LRMDA: variants seen among roughly 807,000 people sequenced by gnomAD.
LRMDA encodes the protein leucine rich melanocyte differentiation associated.
LRMDA carries 18 observed loss-of-function variants against 29.8 expected under a neutral mutation model. That is an observed-to-expected ratio of 0.60 (90% CI 0.42 to 0.90). The LOEUF is 0.90. LRMDA is among the 40% of genes least tolerant of loss of function. The probability of loss-of-function intolerance (pLI) is 0.00; values close to 1 mark genes in which losing one functional copy is unlikely to be tolerated. For missense variants in LRMDA, 273 were observed against 273.9 expected (o/e 1.00, Z 0.02); for synonymous variants, 125 against 109.4 (o/e 1.14, Z -0.89).
intron 2 of LRMDA, among the ~76,000 whole-genome samples, chr10:75,959,028 A>G (rs111764112): frequency 0.068 from 10,275 of 152,204 alleles, 957 homozygotes; most frequent in African/African-American, 0.21. Context: ...CCCACAACAC[A>G]TGGTAATTAT....
chr10:76,014,851 C>T (rs933318959), intron 2 of LRMDA, among the ~76,000 whole-genome samples: 1 of 152,146 alleles, frequency 6.6e-6, no homozygotes, highest in Non-Finnish European at 1.5e-5. Context: ...TCATGGGAGG[C>T]GTGACCTAGA....
chr10:75,691,981 C>T (rs1005531774), intron 2 of LRMDA, among the ~76,000 whole-genome samples: 3 of 151,788 alleles, frequency 2.0e-5, no homozygotes, highest in Non-Finnish European at 4.4e-5. Flanking sequence ...GGCAGGAAGA[C>T]CATTTGAGGC....
intron 6 of LRMDA, among the ~76,000 whole-genome samples, chr10:76,397,454 T>C (rs1564530133): frequency 1.3e-5 from 2 of 152,218 alleles, no homozygotes; most frequent in African/African-American, 4.8e-5. Flanking sequence ...TTCCTAACTT[T>C]GTGGGGGAAA....
intron 6 of LRMDA, among the ~76,000 whole-genome samples, chr10:76,517,091 G>A (rs901456511): frequency 6.6e-6 from 1 of 152,110 alleles, no homozygotes; most frequent in Non-Finnish European, 1.5e-5. Context: ...AAGTCTAAGA[G>A]GTTAGATGAT....
intron 6 of LRMDA, among the ~76,000 whole-genome samples, chr10:76,373,566 C>G (rs1334344984): frequency 6.6e-6 from 1 of 152,052 alleles, no homozygotes; most frequent in Non-Finnish European, 1.5e-5. Flanking sequence ...TTGTTATCTC[C>G]TGTGTTTTTT....
At chr10:76,028,858 C>T (rs1848105026) in intron 2 of LRMDA, among the ~76,000 whole-genome samples, 1 of 149,384 alleles carries the variant, frequency 6.7e-6, no homozygotes, top group South Asian at 2.1e-4. Context: ...CACTCTGTCG[C>T]CAGGCTGAAG....
chr10:76,000,636 G>C (rs553845716), intron 2 of LRMDA, among the ~76,000 whole-genome samples: 6 of 152,318 alleles, frequency 3.9e-5, no homozygotes, highest in Non-Finnish European at 8.8e-5. Flanking sequence ...GTGGGCTGCA[G>C]GTGAGGCTTA....
At chr10:75,461,712 A>T (rs1476060369) in intron 2 of LRMDA, among the ~76,000 whole-genome samples, 3 of 152,306 alleles carry the variant, frequency 2.0e-5, no homozygotes, top group Non-Finnish European at 2.9e-5. Flanking sequence ...GTATGCTTAC[A>T]CTGGTCCAAA....
chr10:76,476,718 C>T (rs879391541), intron 6 of LRMDA, among the ~76,000 whole-genome samples: 11 of 152,154 alleles, frequency 7.2e-5, no homozygotes, highest in Non-Finnish European at 1.5e-4. Context: ...AAGTGGGCTT[C>T]ATTCCTGGGA....
At chr10:76,418,531 A>G (rs1842042109) in intron 6 of LRMDA, among the ~76,000 whole-genome samples, 1 of 151,974 alleles carries the variant, frequency 6.6e-6, no homozygotes, top group African/African-American at 2.4e-5. Context: ...TATTTATTCT[A>G]AGAGTTTCTA....
chr10:76,555,928 G>A lies in LRMDA; in HGVS notation c.602-1281G>A, dbSNP rs1843551529. ...CCTTTCTTTGTTTTTTTCTAGTTGT[G>A]TACAGTTCAGAGACTCAAGTCCGAT... On this transcript the variant is annotated intron_variant, in intron 6 of 6. Coordinates refer to ENST00000611255, the MANE Select transcript of LRMDA (RefSeq NM_001305581.2). 3.3e-5 allele frequency among the ~76,000 whole-genome samples: 5 copies of A among 151,932 alleles called. 1 individual carries two copies. In the South Asian group the frequency reaches 1.0e-3, roughly 31 times the overall value.
chr10:76,367,414 ATT>A (rs1300730569), intron 6 of LRMDA, among the ~76,000 whole-genome samples: 1 of 96,152 alleles, frequency 1.0e-5, no homozygotes, highest in Non-Finnish European at 2.1e-5. Context: ...TGTTGTTTTA[ATT>A]TTTTTAATTT....
intron 2 of LRMDA, among the ~76,000 whole-genome samples, chr10:75,687,653 G>T (rs1842098893): frequency 6.6e-6 from 1 of 152,222 alleles, no homozygotes; most frequent in Non-Finnish European, 1.5e-5. Flanking sequence ...ATTGATGAAG[G>T]TAGCTACACT....
Position 76,047,175 on chromosome 10 carries a change from G to T in LRMDA, c.270G>T (p.Leu90Phe). ...TTAACCTTTGTCACATCACTGATTT[G>T]GAGAACCTGCTGGATCACTTGGCAG... The part of the protein sequence containing the change: ...LTLNKNRITD[L>F]ENLLDHLAEV... The change falls in exon 4 of 7, where the codon TTG (leucine) becomes TTT (phenylalanine). Residue 90 changes from leucine (L) to phenylalanine (F), a missense_variant. Transcript: ENST00000611255. 1 of 1,613,936 alleles carries T rather than the reference G, an allele frequency of 6.2e-7. No individual in the cohort carries two copies. Among genetic ancestry groups the T allele is most frequent in the South Asian group, 1.1e-5 (1 of 91,040 alleles).
At chr10:75,777,844 C>A (rs555810633) in intron 2 of LRMDA, among the ~76,000 whole-genome samples, 8 of 152,236 alleles carry the variant, frequency 5.3e-5, no homozygotes, top group Non-Finnish European at 1.0e-4. Flanking sequence ...CAGCACAAAG[C>A]AGGTGCTATA....
chr10:75,691,345 T>C (rs923689226), intron 2 of LRMDA, among the ~76,000 whole-genome samples: 1 of 151,564 alleles, frequency 6.6e-6, no homozygotes, highest in Non-Finnish European at 1.5e-5. Context: ...AGGCACTGAG[T>C]GGCTAACTAA....
intron 2 of LRMDA, among the ~76,000 whole-genome samples, chr10:75,546,289 G>A (rs1407788833): frequency 6.6e-6 from 1 of 152,188 alleles, no homozygotes; most frequent in East Asian, 1.9e-4. Flanking sequence ...TGTAACCATA[G>A]AACAGCAGAC....
chr10:75,717,871 G>T (rs1186982406), intron 2 of LRMDA, among the ~76,000 whole-genome samples: 1 of 152,104 alleles, frequency 6.6e-6, no homozygotes, highest in African/African-American at 2.4e-5. Context: ...TAGTTCATTA[G>T]TTCAGCCATA....
chr10:76,240,390 A>G (rs1009828039), intron 5 of LRMDA, among the ~76,000 whole-genome samples: 3 of 146,938 alleles, frequency 2.0e-5, no homozygotes, highest in Admixed American at 1.4e-4. Context: ...GAAGGGCCAT[A>G]ATAATAAATA....
Sources: allele counts gnomAD v4.1 joint callset (sites outside exome capture counted in the v4.1 genomes callset), GRCh38; gene constraint gnomAD v4.1.1; transcripts MANE v1.5; gene names NCBI Gene and HGNC (gene_info 2026-07-23, HGNC 2026-07-21).